The following OR7C1 variants were observed in gnomAD, a reference collection of about 807,000 sequenced individuals.
The protein encoded by OR7C1 is olfactory receptor 7C1.
For synonymous variants in OR7C1, 152 were observed against 160.7 expected (o/e 0.95, Z 0.41); for missense variants, 324 against 383.3 (o/e 0.85, Z 1.29).
chr19:14,820,057 C>T (rs2044733710), intron 1 of OR7C1, among the ~76,000 whole-genome samples: 1 of 152,122 alleles, frequency 6.6e-6, no homozygotes. Flanking sequence ...CAGGCATGCG[C>T]CGCCACTCTG....
intron 1 of OR7C1, chr19:14,827,866 T>C (rs2044787190): frequency 6.2e-7 from 1 of 1,614,160 alleles, no homozygotes; most frequent in South Asian, 1.1e-5. Context: ...GGGTGACAGA[T>C]GGCCACAAAC....
At chr19:14,812,923 G>C (rs2044698151) in intron 1 of OR7C1, among the ~76,000 whole-genome samples, 1 of 151,884 alleles carries the variant, frequency 6.6e-6, no homozygotes. Flanking sequence ...AAATTAGCCA[G>C]GCAAAGTGGT....
intron 1 of OR7C1, among the ~76,000 whole-genome samples, chr19:14,811,376 G>C (rs962545): frequency 0.41 from 61,606 of 151,480 alleles, 14,580 homozygotes; most frequent in African/African-American, 0.65. Context: ...AATCTCCTCT[G>C]TCTGTGTCAT....
chr19:14,830,925 C>A (rs2044825695), intron 1 of OR7C1, among the ~76,000 whole-genome samples: 1 of 152,198 alleles, frequency 6.6e-6, no homozygotes, highest in African/African-American at 2.4e-5. Flanking sequence ...CTCACTGCAA[C>A]CTTGGCATTA....
intron 1 of OR7C1, chr19:14,826,885 A>G (rs2044773116): frequency 1.3e-5 from 2 of 159,036 alleles, no homozygotes; most frequent in African/African-American, 4.8e-5. Flanking sequence ...AGAGACAGAC[A>G]TAGGACTGAA....
At chr19:14,815,264 T>C (rs1351276896) in intron 1 of OR7C1, among the ~76,000 whole-genome samples, 1 of 152,256 alleles carries the variant, frequency 6.6e-6, no homozygotes, top group Non-Finnish European at 1.5e-5. Flanking sequence ...TTTTCTGTTC[T>C]GAAAAGAACT....
rs146887113 is a variant in OR7C1 at position 14,827,634 on chromosome 19, A to G, written c.-623+7440T>C. On this transcript the variant is annotated intron_variant, in intron 1 of 4. Transcript: ENST00000641666. ...CAGGGGACCTCCACCCAGCAGCGCAACTGTAAAATATATCACCATGTGATT... is the reference window on the plus strand; with the variant it reads ...CAGGGGACCTCCACCCAGCAGCGCAGCTGTAAAATATATCACCATGTGATT... The G allele has an allele frequency of 3.7e-5, 60 of 1,614,088 alleles. No individual in the cohort carries two copies. Among genetic ancestry groups the G allele is most frequent in the Non-Finnish European group, 4.7e-5 (56 of 1,180,048 alleles).
chr19:14,817,165 A>G (rs1400458865), intron 1 of OR7C1, among the ~76,000 whole-genome samples: 1 of 152,214 alleles, frequency 6.6e-6, no homozygotes, highest in East Asian at 1.9e-4. Flanking sequence ...TGAGTCCCAG[A>G]CTGGGGACTG....
At chr19:14,832,677 G>A (rs534105005) in intron 1 of OR7C1, among the ~76,000 whole-genome samples, 2 of 151,760 alleles carry the variant, frequency 1.3e-5, no homozygotes, top group East Asian at 1.9e-4. Context: ...CACCCACCTC[G>A]GCCTCCCAAA....
At chr19:14,810,584 A>G (rs115809391) in intron 1 of OR7C1, among the ~76,000 whole-genome samples, 1,651 of 144,744 alleles carry the variant, frequency 0.011, 49 homozygotes, top group African/African-American at 0.04. Context: ...ATAGCGTTTC[A>G]CCATGTTAGT....
rs1204392510 is a variant in OR7C1 at position 14,810,385 on chromosome 19, G to T, written c.-622-392C>A. ...CAACCAAAATGAGTTTTTTTTTTTT[G>T]TTTTTTGTTTTTGAGATGGAGTCTT... On this transcript the variant is annotated intron_variant, in intron 1 of 4. Coordinates refer to ENST00000641666, the Ensembl canonical transcript of OR7C1. Among the ~76,000 whole-genome samples, 248 of 141,972 alleles carry T rather than the reference G, an allele frequency of 1.7e-3. 3 individuals carry two copies. Among genetic ancestry groups the T allele is most frequent in the African/African-American group, 5.7e-3 (213 of 37,460 alleles). 93.1% of individuals were successfully genotyped at this position (141,972 alleles called of 152,430 possible). A position where few individuals can be genotyped will look rare whatever the true frequency, so the allele number is the denominator to read the frequency against.
intron 1 of OR7C1, chr19:14,827,409 T>G: frequency 2.5e-6 from 4 of 1,614,146 alleles, no homozygotes; most frequent in Non-Finnish European, 3.4e-6. Context: ...GACCACAGTG[T>G]ACATCACTGA....
intron 1 of OR7C1, among the ~76,000 whole-genome samples, chr19:14,828,821 T>C (rs767567565): frequency 2.3e-5 from 3 of 132,030 alleles, no homozygotes; most frequent in Non-Finnish European, 4.8e-5. Context: ...TTGAGGAATA[T>C]AAATTGAATG....
intron 2 of OR7C1, among the ~76,000 whole-genome samples, chr19:14,803,544 A>G (rs895825097): frequency 6.6e-6 from 1 of 152,034 alleles, no homozygotes; most frequent in East Asian, 1.9e-4. Flanking sequence ...CACAGCTGCC[A>G]GCATTCACCC....
chr19:14,818,611 A>G (rs568587993), intron 1 of OR7C1, among the ~76,000 whole-genome samples: 2 of 152,286 alleles, frequency 1.3e-5, no homozygotes, highest in South Asian at 4.1e-4. Context: ...GCGAGTTTGC[A>G]GTGTTTTCAT....
At chr19:14,803,349 G>GTGACGTTTA (rs2044651205) in intron 2 of OR7C1, among the ~76,000 whole-genome samples, 1 of 151,220 alleles carries the variant, frequency 6.6e-6, no homozygotes, top group Non-Finnish European at 1.5e-5. Context: ...TGGACCAGGT[G>GTGACGTTTA]TGACGTTTAC....
chr19:14,809,384 T>C (rs1263155600), intron 2 of OR7C1, among the ~76,000 whole-genome samples: 1 of 151,692 alleles, frequency 6.6e-6, no homozygotes, highest in African/African-American at 2.4e-5. Context: ...AGGAAGAGAG[T>C]GGCCCTGGAA....
At chr19:14,815,975 C>T (rs765822424) in intron 1 of OR7C1, among the ~76,000 whole-genome samples, 84 of 152,094 alleles carry the variant, frequency 5.5e-4, no homozygotes, top group Non-Finnish European at 7.8e-4. Context: ...GAACATGCCA[C>T]CATGCCCAGT....
intron 2 of OR7C1, among the ~76,000 whole-genome samples, chr19:14,804,542 G>A (rs1211078651): frequency 2.0e-5 from 3 of 152,002 alleles, no homozygotes; most frequent in African/African-American, 7.3e-5. Context: ...GTATAGCAAA[G>A]GAAAGAATAA....
Sources: gnomAD v4.1 joint callset for allele counts (sites outside exome capture counted in the v4.1 genomes callset) on GRCh38, gnomAD v4.1.1 for gene constraint, MANE v1.5 for transcripts, NCBI Gene and HGNC (gene_info 2026-07-23, HGNC 2026-07-21) for gene names.